UACA: variants seen among roughly 807,000 people sequenced by gnomAD.
UACA encodes uveal autoantigen with coiled-coil domains and ankyrin repeats.
UACA carries 112 observed loss-of-function variants against 160.5 expected under a neutral mutation model. That is an observed-to-expected ratio of 0.70 (90% confidence interval 0.60 to 0.82). The LOEUF is 0.82. Ranked by LOEUF, UACA falls within the 40% of genes least tolerant of loss-of-function variation. The pLI, the probability that UACA is intolerant of heterozygous loss-of-function variation, is 0.00. For synonymous variants in UACA, 557 were observed against 568.4 expected, an observed-to-expected ratio of 0.98 and a Z score of 0.29; for missense variants, 1,574 against 1,614.6, an observed-to-expected ratio of 0.97 and a Z score of 0.43.
At chr15:70,762,511 G>C (rs1375950148) in intron 1 of UACA, among the ~76,000 whole-genome samples, 2 of 152,264 alleles carry the variant, frequency 1.3e-5, no homozygotes, top group Non-Finnish European at 2.9e-5. Context: ...AACATCTGCG[G>C]TCAGGCTGTT....
At chr15:70,686,823 A>G (rs1191337991) in intron 7 of UACA, among the ~76,000 whole-genome samples, 2 of 152,214 alleles carry the variant, frequency 1.3e-5, no homozygotes, top group Non-Finnish European at 2.9e-5. Context: ...TTATTGTAAT[A>G]CTTGAATTAA....
At chr15:70,691,843 T>C (rs117000502) in intron 3 of UACA, among the ~76,000 whole-genome samples, 1,608 of 152,316 alleles carry the variant, frequency 0.011, 21 homozygotes, top group Non-Finnish European at 0.014. Flanking sequence ...TTTCATGCTT[T>C]GGCTAAAATT....
At chr15:70,739,523 A>C (rs148244559) in intron 1 of UACA, among the ~76,000 whole-genome samples, 90 of 152,344 alleles carry the variant, frequency 5.9e-4, no homozygotes, top group African/African-American at 2.0e-3. Context: ...TTATATTGGC[A>C]AGAATATAAT....
intron 5 of UACA, among the ~76,000 whole-genome samples, chr15:70,689,065 T>C (rs534740598): frequency 6.6e-6 from 1 of 152,308 alleles, no homozygotes; most frequent in East Asian, 1.9e-4. Context: ...AATAATCTAC[T>C]ACTTCCAAGT....
intron 7 of UACA, among the ~76,000 whole-genome samples, chr15:70,685,012 T>C (rs1245977920): frequency 6.6e-6 from 1 of 152,110 alleles, no homozygotes; most frequent in Admixed American, 6.6e-5. Context: ...AGTCCCTTCA[T>C]GAACTGAACC....
In UACA at chr15:70,728,179, G is replaced by A. The variant is rs56035210; in HGVS notation, c.79-28519C>T. ...TGGGATAACTGGCTAGCCATATGTA[G>A]AAGAATGAAACTAGACCCCTACCTT... On this transcript the variant is annotated intron_variant, in intron 1 of 18. Transcript: ENST00000322954. Among the ~76,000 whole-genome samples, 161 of 152,294 alleles carry A rather than the reference G, an allele frequency of 1.1e-3. 1 individual carries two copies. The highest frequency in any genetic ancestry group is 0.01 in the Middle Eastern group (3 of 294).
chr15:70,740,525 T>A (rs577010798), intron 1 of UACA, among the ~76,000 whole-genome samples: 37 of 149,830 alleles, frequency 2.5e-4, no homozygotes, highest in African/African-American at 8.6e-4. Context: ...TGGTCCCAGC[T>A]ACACGGGAGG....
At chr15:70,724,968 T>G (rs747336466) in intron 1 of UACA, among the ~76,000 whole-genome samples, 53 of 152,000 alleles carry the variant, frequency 3.5e-4, no homozygotes, top group Non-Finnish European at 6.0e-4. Flanking sequence ...GCAAGCACCT[T>G]GTAGTCCTAG....
At chr15:70,702,166 T>C in intron 1 of UACA, 1 of 1,261,246 alleles carries the variant, frequency 7.9e-7, no homozygotes, top group Non-Finnish European at 1.0e-6. Context: ...CCAAGTCAGG[T>C]ACAGTAACTC....
At chr15:70,755,748 T>C (rs1439080928) in intron 1 of UACA, among the ~76,000 whole-genome samples, 2 of 152,122 alleles carry the variant, frequency 1.3e-5, no homozygotes, top group African/African-American at 4.8e-5. Flanking sequence ...TAACTCCCTA[T>C]TTTCAATAGA....
chr15:70,692,358 T>C (rs1249336954), intron 3 of UACA, among the ~76,000 whole-genome samples: 1 of 152,068 alleles, frequency 6.6e-6, no homozygotes, highest in Non-Finnish European at 1.5e-5. Context: ...AGACAGGGGC[T>C]CACTGTATTG....
the UACA span, among the ~76,000 whole-genome samples, chr15:70,778,214 A>G: frequency 6.7e-6 from 1 of 150,336 alleles, no homozygotes; most frequent in Non-Finnish European, 1.5e-5. Context: ...AAAAAAAAAA[A>G]ATATTGAGAA....
intron 1 of UACA, among the ~76,000 whole-genome samples, chr15:70,747,534 T>A (rs1248688111): frequency 3.3e-5 from 5 of 152,096 alleles, no homozygotes; most frequent in Non-Finnish European, 2.9e-5. Context: ...TAATTTTTTT[T>A]AAGATGGGGT....
chr15:70,747,412 C>G (rs1302395569), intron 1 of UACA, among the ~76,000 whole-genome samples: 1 of 151,948 alleles, frequency 6.6e-6, no homozygotes, highest in African/African-American at 2.4e-5. Context: ...CTCTATCGCC[C>G]AGGCTGGAGT....
At chr15:70,773,082 A>G in the UACA span, among the ~76,000 whole-genome samples, 16 of 151,888 alleles carry the variant, frequency 1.1e-4, no homozygotes, top group Non-Finnish European at 2.4e-4. Flanking sequence ...GAAATCAAAC[A>G]GAAAAAAAAA....
intron 1 of UACA, among the ~76,000 whole-genome samples, chr15:70,720,603 G>C (rs952663720): frequency 6.6e-6 from 1 of 152,176 alleles, no homozygotes; most frequent in Non-Finnish European, 1.5e-5. Flanking sequence ...ATAGATAAAA[G>C]ACGTAGAAAT....
intron 17 of UACA, among the ~76,000 whole-genome samples, chr15:70,662,813 A>G (rs1896759879): frequency 6.6e-6 from 1 of 152,222 alleles, no homozygotes; most frequent in Non-Finnish European, 1.5e-5. Flanking sequence ...AGCCATACGC[A>G]GAAAGCTGAA....
chr15:70,673,714 A>C (rs1208876020), intron 13 of UACA, among the ~76,000 whole-genome samples: 1 of 152,254 alleles, frequency 6.6e-6, no homozygotes, highest in African/African-American at 2.4e-5. Flanking sequence ...ATTTTTATAC[A>C]TACAAGGGAA....
chr15:70,741,597 A>G (rs1363262250), intron 1 of UACA, among the ~76,000 whole-genome samples: 1 of 152,246 alleles, frequency 6.6e-6, no homozygotes, highest in Non-Finnish European at 1.5e-5. Context: ...AAGCATGTGT[A>G]TTCACAATTT....
Sources: gnomAD v4.1 joint callset for allele counts (sites outside exome capture counted in the v4.1 genomes callset) on GRCh38, gnomAD v4.1.1 for gene constraint, MANE v1.5 for transcripts, NCBI Gene and HGNC (gene_info 2026-07-23, HGNC 2026-07-21) for gene names.